Variants in AGAP1 observed in about 807,000 individuals in gnomAD.
AGAP1 encodes ArfGAP with GTPase domain, ankyrin repeat and PH domain 1.
A neutral mutation model predicts 105.3 loss-of-function variants in AGAP1; 29 were observed. The ratio of observed to expected loss-of-function variants is 0.28; its 90% CI spans 0.21 to 0.38. The LOEUF is 0.38. AGAP1 is among the 10% of genes least tolerant of loss of function. The pLI is 1.00. For missense variants in AGAP1, 998 were observed against 1,165.1 expected (o/e 0.86, Z 2.09); for synonymous variants, 509 against 485.9 (o/e 1.05, Z -0.63).
At chr2:235,856,332 T>G (rs1227360795) in intron 9 of AGAP1, among the ~76,000 whole-genome samples, 1 of 152,226 alleles carries the variant, frequency 6.6e-6, no homozygotes, top group Non-Finnish European at 1.5e-5. Context: ...TATAAGAAAA[T>G]GTGATTCGCT....
Position 235,789,068 on chromosome 2 carries a change from G to A in AGAP1, c.674-8691G>A, listed in dbSNP as rs1353863766. Among the ~76,000 whole-genome samples, 1 of 152,234 alleles carries A rather than the reference G, an allele frequency of 6.6e-6. No individual in the cohort carries two copies. The highest frequency in any genetic ancestry group is 6.5e-5 in the Admixed American group (1 of 15,292). ...TGCTTTGAAGGAGTGCATGGAAGAG[G>A]AAGGGATGTGTGTTTCCTGCAGCGT... On this transcript the variant is annotated intron_variant, in intron 6 of 17. Coordinates refer to ENST00000304032, the MANE Select transcript of AGAP1 (RefSeq NM_001037131.3). The surrounding 1 kb of genome is among the most constrained non-coding windows in gnomAD (Gnocchi z 4.2).
In AGAP1 at chr2:235,886,636, G is replaced by A. The variant is rs190194506; in HGVS notation, c.1155+3187G>A. Among the ~76,000 whole-genome samples the A allele has an allele frequency of 4.3e-3, 652 of 152,274 alleles. 4 individuals are homozygous for A. Among genetic ancestry groups the A allele is most frequent in the Non-Finnish European group, 4.9e-3 (336 of 68,022 alleles). ...TGGGGCTTTGTTGTATAATTGTATA[G>A]CAAGCAAGAGCCAATGTCATTTTCA... On this transcript the variant is annotated intron_variant, in intron 10 of 17. Coordinates refer to ENST00000304032, the MANE Select transcript of AGAP1 (RefSeq NM_001037131.3).
chr2:235,864,586 A>G lies in AGAP1; in HGVS notation c.1051-18759A>G, dbSNP rs763665004. Among the ~76,000 whole-genome samples, 1 of 152,212 alleles carries G rather than the reference A, an allele frequency of 6.6e-6. No individual in the cohort carries two copies. Among genetic ancestry groups the G allele is most frequent in the Non-Finnish European group, 1.5e-5 (1 of 68,036 alleles). On this transcript the variant is annotated intron_variant, in intron 9 of 17. Transcript: ENST00000304032. This position sits in a 1 kb window ranked among gnomAD's most constrained non-coding sequence, Gnocchi z 5.0. ...GCCTGCAGAGGTGTCACCAGCAGCC[A>G]TTAAGTGCAGATACTGTCGTCCCTG...
intron 16 of AGAP1, among the ~76,000 whole-genome samples, chr2:236,116,674 T>C (rs1203928289): frequency 6.6e-6 from 1 of 152,110 alleles, no homozygotes; most frequent in Non-Finnish European, 1.5e-5. Context: ...AGTGGTGATT[T>C]GTGAGATCTT....
intron 16 of AGAP1, among the ~76,000 whole-genome samples, chr2:236,059,427 T>C (rs1483130738): frequency 1.3e-5 from 2 of 151,468 alleles, no homozygotes; most frequent in African/African-American, 4.9e-5. Context: ...TTTCAGAATC[T>C]CAGCTGCCTG....
chr2:235,645,014 G>T (rs1339243290), intron 1 of AGAP1, among the ~76,000 whole-genome samples: 1 of 151,936 alleles, frequency 6.6e-6, no homozygotes, highest in Non-Finnish European at 1.5e-5. Context: ...TCCTGCCTCA[G>T]CCTGCTGAGT....
In AGAP1 at chr2:236,002,307, C is replaced by T. The variant is rs895323746; in HGVS notation, c.1645+33684C>T. The stretch of plus-strand genomic sequence containing the variant: ...GCTCCTGGTCCCGTCCTGGAACAGC[C>T]GGTGACTCAAAGCTCAAATATCATC... On this transcript the variant is annotated intron_variant, in intron 13 of 17. Coordinates refer to ENST00000304032, the MANE Select transcript of AGAP1 (RefSeq NM_001037131.3). This position sits in a 1 kb window ranked among gnomAD's most constrained non-coding sequence, Gnocchi z 4.3. Among the ~76,000 whole-genome samples the T allele has an allele frequency of 5.3e-5, 8 of 152,170 alleles. No individual in the cohort carries two copies. The highest frequency in any genetic ancestry group is 1.0e-4 in the Non-Finnish European group (7 of 68,032).
At chr2:235,673,485 A>G (rs1363078421) in intron 1 of AGAP1, among the ~76,000 whole-genome samples, 7 of 152,186 alleles carry the variant, frequency 4.6e-5, no homozygotes, top group South Asian at 2.1e-4. Flanking sequence ...GCTGCTTGTG[A>G]GATCGGGTGG....
intron 6 of AGAP1, among the ~76,000 whole-genome samples, chr2:235,796,386 A>G (rs987544005): frequency 6.6e-6 from 1 of 152,212 alleles, no homozygotes; most frequent in African/African-American, 2.4e-5. Flanking sequence ...TGGTTCTGAG[A>G]TGACAGAGTG....
rs1039605274 is a variant in AGAP1, at chr2:235,733,028, G to A, written c.311-7935G>A. 3.3e-5 allele frequency among the ~76,000 whole-genome samples: 5 copies of A among 152,322 alleles called. No homozygotes were observed. The highest frequency in any genetic ancestry group is 4.8e-5 in the African/African-American group (2 of 41,576). On this transcript the variant is annotated intron_variant, in intron 3 of 17. Transcript: ENST00000304032. This position sits in a 1 kb window ranked among gnomAD's most constrained non-coding sequence, Gnocchi z 5.0. ...ACTGAGCATCCATGCTCTGCCATCCGTCTAGTTGGAGGGAGCTGCCTCCCG... is the reference window on the plus strand; with the variant it reads ...ACTGAGCATCCATGCTCTGCCATCCATCTAGTTGGAGGGAGCTGCCTCCCG...
intron 17 of AGAP1, among the ~76,000 whole-genome samples, chr2:236,122,202 C>T (rs919463307): frequency 1.3e-5 from 2 of 152,166 alleles, no homozygotes; most frequent in African/African-American, 4.8e-5. Context: ...CCTCTCACCT[C>T]GGCCTCCCAA....
chr2:235,606,126 T>A (rs1464575549), intron 1 of AGAP1, among the ~76,000 whole-genome samples: 1 of 152,202 alleles, frequency 6.6e-6, no homozygotes, highest in Non-Finnish European at 1.5e-5. Flanking sequence ...AGATCGGCCA[T>A]TTCCCCGGCC....
chr2:235,779,078 G>A (rs1158145918), intron 6 of AGAP1, among the ~76,000 whole-genome samples: 2 of 152,216 alleles, frequency 1.3e-5, no homozygotes, highest in Admixed American at 6.5e-5. Context: ...ACTGAGCTGG[G>A]AACCCAGGCA....
chr2:235,850,957 C>G (rs73998959), intron 9 of AGAP1, among the ~76,000 whole-genome samples: 1 of 152,142 alleles, frequency 6.6e-6, no homozygotes, highest in African/African-American at 2.4e-5. Context: ...ATGGCTGTTC[C>G]GGGACCTGGC....
At chr2:235,818,437 C>CT (rs1021713155) in intron 9 of AGAP1, among the ~76,000 whole-genome samples, 12 of 152,094 alleles carry the variant, frequency 7.9e-5, no homozygotes, top group South Asian at 2.1e-4. Flanking sequence ...CCATGACCGT[C>CT]TTTTTTTTGT....
At chr2:235,710,332 T>C (rs1263492168) in intron 2 of AGAP1, among the ~76,000 whole-genome samples, 4 of 152,180 alleles carry the variant, frequency 2.6e-5, no homozygotes. Flanking sequence ...CCAGGAAAAG[T>C]ATTTGTTTTT....
At chr2:235,771,304 G>A (rs1955425843) in intron 6 of AGAP1, among the ~76,000 whole-genome samples, 1 of 152,234 alleles carries the variant, frequency 6.6e-6, no homozygotes, top group Non-Finnish European at 1.5e-5. Context: ...CTGCTGGGGA[G>A]CACGGTCTCC....
At chr2:235,521,959 C>T (rs888788276) in intron 1 of AGAP1, among the ~76,000 whole-genome samples, 8 of 152,070 alleles carry the variant, frequency 5.3e-5, no homozygotes, top group East Asian at 1.9e-4. Flanking sequence ...CAGCAATATA[C>T]GTGAGTGCCT....
chr2:235,810,991 G>A (rs1958109071), intron 9 of AGAP1, among the ~76,000 whole-genome samples: 1 of 152,154 alleles, frequency 6.6e-6, no homozygotes, highest in South Asian at 2.1e-4. Context: ...TCACTTGATT[G>A]CAGTGGGAGT....
Sources: gnomAD v4.1 joint callset for allele counts (sites outside exome capture counted in the v4.1 genomes callset) on GRCh38, gnomAD v4.1.1 for gene constraint, Gnocchi (gnomAD v3.1) non-coding constraint, MANE v1.5 for transcripts, NCBI Gene and HGNC (gene_info 2026-07-23, HGNC 2026-07-21) for gene names.